ROBO2: variants seen among roughly 807,000 people sequenced by gnomAD.
ROBO2 encodes the protein roundabout homolog 2.
A neutral mutation model predicts 160.8 loss-of-function variants in ROBO2; 53 were observed. The observed-to-expected ratio is 0.33, with a 90% CI of 0.26 to 0.41. The LOEUF is 0.41. ROBO2 is among the 10% of genes least tolerant of loss of function. ROBO2 has a pLI of 1.00. For missense variants in ROBO2, 1,577 were observed against 1,722.4 expected (o/e 0.92, Z 1.49); for synonymous variants, 664 against 611.7 (o/e 1.09, Z -1.26).
chr3:76,446,018 T>C (rs1193765810), intron 2 of ROBO2, among the ~76,000 whole-genome samples: 1 of 152,042 alleles, frequency 6.6e-6, no homozygotes, highest in Non-Finnish European at 1.5e-5. Flanking sequence ...CTATTCAACA[T>C]AGTGTTGGAA....
intron 1 of ROBO2, among the ~76,000 whole-genome samples, chr3:77,041,580 C>T (rs1378164373): frequency 6.6e-6 from 1 of 152,118 alleles, no homozygotes; most frequent in Non-Finnish European, 1.5e-5. Flanking sequence ...GTCTTTTGTT[C>T]CGATTTGGTT....
chr3:77,604,825 C>T (rs2094495199), intron 20 of ROBO2, among the ~76,000 whole-genome samples: 1 of 151,964 alleles, frequency 6.6e-6, no homozygotes, highest in Non-Finnish European at 1.5e-5. Flanking sequence ...GCAATGTAAG[C>T]AATTTAAAAT....
intron 2 of ROBO2, among the ~76,000 whole-genome samples, chr3:77,290,088 G>T (rs1258190213): frequency 2.9e-5 from 4 of 138,036 alleles, no homozygotes; most frequent in African/African-American, 1.0e-4. Context: ...AAAATTGACG[G>T]TTAAACGGAT....
At chr3:77,538,205 G>T (rs1296121732) in intron 6 of ROBO2, among the ~76,000 whole-genome samples, 4 of 130,220 alleles carry the variant, frequency 3.1e-5, no homozygotes, top group African/African-American at 5.9e-5. Flanking sequence ...TTGAGACGGA[G>T]TCTCTGTCTG....
intron 2 of ROBO2, among the ~76,000 whole-genome samples, chr3:76,099,593 T>A (rs1226598577): frequency 6.7e-6 from 1 of 149,938 alleles, no homozygotes; most frequent in African/African-American, 2.5e-5. Flanking sequence ...AGAAAATGAC[T>A]AACAATAAAA....
intron 2 of ROBO2, among the ~76,000 whole-genome samples, chr3:76,940,234 G>A (rs1213465682): frequency 2.0e-5 from 3 of 152,028 alleles, no homozygotes; most frequent in Non-Finnish European, 2.9e-5. Context: ...CGCCTGCCTC[G>A]GCCTCCCAAA....
At position 76,223,387 on chromosome 3, in the gene ROBO2, AG is replaced by A. The variant is rs776362492; in HGVS notation, c.109+285791del. The stretch of plus-strand genomic sequence containing the variant: ...ATACCTTTGGTGTGGGGAAGTAGGT[AG>A]GGGGGTAGGGAGGCCACTTTCACCC... On this transcript the variant is annotated intron_variant, in intron 2 of 26. Coordinates refer to the ROBO2 transcript ENST00000487694. 2.3e-3 allele frequency among the ~76,000 whole-genome samples: 347 copies of A among 151,796 alleles called. 2 individuals carry two copies. The highest frequency in any genetic ancestry group is 3.7e-3 in the Non-Finnish European group (252 of 67,896).
chr3:76,436,477 T>C (rs1256099520), intron 2 of ROBO2, among the ~76,000 whole-genome samples: 1 of 152,198 alleles, frequency 6.6e-6, no homozygotes, highest in Non-Finnish European at 1.5e-5. Context: ...TCTTGACTTA[T>C]GTAACAATCT....
rs114072621 is a variant in ROBO2 at position 76,451,680 on chromosome 3, T to C, written c.109+514078T>C. Among the ~76,000 whole-genome samples, 350 of 152,272 alleles carry C rather than the reference T, an allele frequency of 2.3e-3. 1 individual carries two copies. Among genetic ancestry groups the C allele is most frequent in the African/African-American group, 8.1e-3 (335 of 41,550 alleles). On this transcript the variant is annotated intron_variant, in intron 2 of 26. Transcript: ENST00000487694. ...AGACACTTTAGAAACCATTAAATTA[T>C]TATAGTGCCATAAGCATTTGGGTTT...
intron 9 of ROBO2, among the ~76,000 whole-genome samples, chr3:77,560,086 TATG>T (rs2093271563): frequency 6.6e-6 from 1 of 152,090 alleles, no homozygotes. Flanking sequence ...AATTAAAGGG[TATG>T]CTTGAGTAGT....
chr3:77,562,480 A>G (rs1055712372), intron 9 of ROBO2, among the ~76,000 whole-genome samples, 171 bp from the exon 11 acceptor site: 1 of 152,146 alleles, frequency 6.6e-6, no homozygotes, highest in Admixed American at 6.6e-5. Context: ...ATAATATTAT[A>G]TGAGTTTATT....
intron 2 of ROBO2, among the ~76,000 whole-genome samples, chr3:76,780,863 T>C (rs1216323843): frequency 1.3e-5 from 2 of 150,824 alleles, no homozygotes; most frequent in African/African-American, 4.8e-5. Flanking sequence ...TTTTCAGCTT[T>C]GTTCTTTTTT....
intron 2 of ROBO2, among the ~76,000 whole-genome samples, chr3:76,810,591 T>C (rs951635501): frequency 6.6e-6 from 1 of 151,960 alleles, no homozygotes; most frequent in Non-Finnish European, 1.5e-5. Flanking sequence ...TTAGGCAGCA[T>C]TCATATTTTG....
intron 2 of ROBO2, among the ~76,000 whole-genome samples, chr3:77,188,224 AGGG>A (rs2081462249): frequency 7.0e-6 from 1 of 143,214 alleles, no homozygotes; most frequent in African/African-American, 3.0e-5. Flanking sequence ...TTTGCTCTGA[AGGG>A]TAAAAGCCAA....
chr3:76,356,810 AT>A (rs144407314), intron 2 of ROBO2, among the ~76,000 whole-genome samples: 1 of 151,844 alleles, frequency 6.6e-6, no homozygotes, highest in South Asian at 2.1e-4. Flanking sequence ...CAGAAAGTAT[AT>A]TTTTTCAAGA....
At chr3:77,473,440 C>CTTTTTTTTTTTTTTTTTTTTTTT (rs71104688) in intron 2 of ROBO2, among the ~76,000 whole-genome samples, 1 of 77,922 alleles carries the variant, frequency 1.3e-5, no homozygotes, top group Non-Finnish European at 2.5e-5. Flanking sequence ...ACAAACTGCT[C>CTTTTTTTTTTTTTTTTTTTTTTT]TTTTTTTTTT....
chr3:77,064,322 A>T (rs2066620436), intron 1 of ROBO2, among the ~76,000 whole-genome samples: 1 of 151,428 alleles, frequency 6.6e-6, no homozygotes, highest in South Asian at 2.1e-4. Context: ...TTGCAATTTT[A>T]TATTACAAAT....
At chr3:76,065,734 T>C (rs769831845) in intron 2 of ROBO2, among the ~76,000 whole-genome samples, 23 of 21,198 alleles carry the variant, frequency 1.1e-3, no homozygotes, top group Non-Finnish European at 1.7e-3. Flanking sequence ...ATATTTAAAC[T>C]AAATATATAT....
chr3:76,480,879 A>G (rs554641780), intron 2 of ROBO2, among the ~76,000 whole-genome samples: 2 of 152,334 alleles, frequency 1.3e-5, no homozygotes, highest in East Asian at 3.9e-4. Context: ...ATGTTAAAGC[A>G]GATTTATTGG....
Sources: allele counts gnomAD v4.1 joint callset (sites outside exome capture counted in the v4.1 genomes callset), GRCh38; gene constraint gnomAD v4.1.1; transcripts MANE v1.5; gene names NCBI Gene and HGNC (gene_info 2026-07-23, HGNC 2026-07-21).